The following RAI14 variants were observed in gnomAD, a reference collection of about 807,000 sequenced individuals.
RAI14 encodes the protein retinoic acid induced 14.
A neutral mutation model predicts 115.4 loss-of-function variants in RAI14; 45 were observed. That is an observed-to-expected ratio of 0.39 (90% CI 0.31 to 0.50). The LOEUF (loss-of-function observed/expected upper bound fraction) is 0.50, where lower values mean the gene tolerates loss of function less well. Among genes scored for constraint, RAI14 ranks in the 20% least tolerant of loss-of-function variants. RAI14 has a pLI of 0.85. For missense variants in RAI14, 939 were observed against 1,131.2 expected, an observed-to-expected ratio of 0.83 and a Z score of 2.44; for synonymous variants, 371 against 415.4, an observed-to-expected ratio of 0.89 and a Z score of 1.30.
chr5:34,825,599 G>C (rs954813871), intron 15 of RAI14, among the ~76,000 whole-genome samples: 4 of 152,110 alleles, frequency 2.6e-5, no homozygotes, highest in African/African-American at 9.7e-5. Context: ...GGAGAGGAAG[G>C]GGGAGGAATG....
At position 34,686,963 on chromosome 5, in the gene RAI14, T is replaced by C. The variant is rs755872354; in HGVS notation, c.36+8T>C. 5 of 1,613,528 alleles carry C rather than the reference T, an allele frequency of 3.1e-6. No individual in the cohort carries two copies. In the South Asian group the frequency reaches 5.5e-5, roughly 18 times the overall value. On this transcript the variant is annotated splice_region_variant and intron_variant, in intron 2 of 17. Coordinates refer to ENST00000265109, the MANE Select transcript of RAI14 (RefSeq NM_015577.3). ...AAGTTCAGGAAGAGTGACGTGAGTA[T>C]GCGGTGACTCACAGTCTGGCTGTTC... is the stretch of plus-strand genomic sequence containing the variant.
At chr5:34,696,565 G>A (rs763174287) in intron 2 of RAI14, among the ~76,000 whole-genome samples, 2 of 152,324 alleles carry the variant, frequency 1.3e-5, no homozygotes, top group South Asian at 2.1e-4. Context: ...TGGCAGCCTC[G>A]AAACCAGTTA....
intron 2 of RAI14, among the ~76,000 whole-genome samples, chr5:34,722,673 C>G (rs1219061688): frequency 1.3e-5 from 2 of 151,826 alleles, no homozygotes; most frequent in Non-Finnish European, 1.5e-5. Flanking sequence ...TGGTGAAACC[C>G]CGTCTCTACT....
At chr5:34,698,811 T>A (rs1449573931) in intron 2 of RAI14, among the ~76,000 whole-genome samples, 1 of 152,070 alleles carries the variant, frequency 6.6e-6, no homozygotes, top group East Asian at 1.9e-4. Context: ...GTAGGATGAT[T>A]TGGGGTTTTG....
chr5:34,801,234 A>G (rs1269003328), intron 4 of RAI14, among the ~76,000 whole-genome samples: 1 of 152,130 alleles, frequency 6.6e-6, no homozygotes, highest in Non-Finnish European at 1.5e-5. Flanking sequence ...TCAGTATCCT[A>G]TGCTGATGAA....
chr5:34,800,528 G>C (rs1754131698), intron 4 of RAI14, among the ~76,000 whole-genome samples: 1 of 152,214 alleles, frequency 6.6e-6, no homozygotes, highest in Non-Finnish European at 1.5e-5. Context: ...TTTGGAGAGA[G>C]AATTTGGTGT....
At chr5:34,829,168 CACACACACAT>C (rs766896595) in intron 16 of RAI14, among the ~76,000 whole-genome samples, 1 of 125,410 alleles carries the variant, frequency 8.0e-6, no homozygotes, top group Non-Finnish European at 1.7e-5. Context: ...CACATACACA[CACACACACAT>C]ACACACACAC....
At chr5:34,757,789 T>C (rs1269940434) in intron 3 of RAI14, 191 bp downstream of exon 3, 3 of 564,090 alleles carry the variant, frequency 5.3e-6, no homozygotes, top group Non-Finnish European at 8.0e-6. Flanking sequence ...CTACCTTGAA[T>C]GGGTATACAT....
At chr5:34,807,665 A>G (rs976528648) in intron 5 of RAI14, 135 bp from the exon 6 acceptor site, 12 of 711,328 alleles carry the variant, frequency 1.7e-5, no homozygotes, top group Non-Finnish European at 2.7e-5. Context: ...AGGCCCCTGG[A>G]ACACAGCAGC....
At chr5:34,787,586 G>C (rs1752445020) in intron 3 of RAI14, among the ~76,000 whole-genome samples, 1 of 152,140 alleles carries the variant, frequency 6.6e-6, no homozygotes, top group South Asian at 2.1e-4. Context: ...GGGAGTTGGG[G>C]AAGTAGGGAA....
intron 7 of RAI14, 63 bp from the exon 8 acceptor site, chr5:34,810,949 T>C: frequency 6.2e-7 from 1 of 1,607,752 alleles, no homozygotes; most frequent in Non-Finnish European, 8.5e-7. Context: ...AAACAGGGGC[T>C]GACTTTTGCA....
intron 3 of RAI14, among the ~76,000 whole-genome samples, chr5:34,765,739 A>G (rs1253291239): frequency 1.3e-5 from 2 of 152,232 alleles, no homozygotes; most frequent in African/African-American, 2.4e-5. Context: ...AGAAATTTGT[A>G]TAAGTAGCAA....
intron 2 of RAI14, among the ~76,000 whole-genome samples, chr5:34,748,874 T>C (rs1045647311): frequency 6.6e-6 from 1 of 152,094 alleles, no homozygotes; most frequent in Admixed American, 6.6e-5. Flanking sequence ...ACACACTTAT[T>C]TGTTGAATAA....
At chr5:34,750,848 ATTTTTTTT>A (rs869028180) in intron 2 of RAI14, among the ~76,000 whole-genome samples, 1 of 83,618 alleles carries the variant, frequency 1.2e-5, no homozygotes, top group Admixed American at 1.5e-4. Context: ...TTGCTTTATC[ATTTTTTTT>A]TTTTTTTTTT....
intron 14 of RAI14, 129 bp downstream of exon 14, chr5:34,821,979 T>C (rs1338299350): frequency 2.1e-6 from 1 of 480,738 alleles, no homozygotes; most frequent in Non-Finnish European, 3.7e-6. Flanking sequence ...AAGCATCTTA[T>C]AGTTTCAGAT....
intron 2 of RAI14, among the ~76,000 whole-genome samples, chr5:34,691,764 G>A (rs1031796894): frequency 3.9e-5 from 6 of 152,104 alleles, no homozygotes; most frequent in African/African-American, 1.4e-4. Context: ...CATTGTAATA[G>A]GGAAGTAGCG....
chr5:34,701,402 G>A (rs1740048135), intron 2 of RAI14, among the ~76,000 whole-genome samples: 1 of 152,104 alleles, frequency 6.6e-6, no homozygotes, highest in Non-Finnish European at 1.5e-5. Context: ...AAATTCTAAA[G>A]AGATTAAGAT....
chr5:34,730,711 G>C (rs914868632), intron 2 of RAI14, among the ~76,000 whole-genome samples: 11 of 152,202 alleles, frequency 7.2e-5, no homozygotes, highest in Non-Finnish European at 1.0e-4. Flanking sequence ...GGCCAGGCAT[G>C]GTGGCCCACG....
At chr5:34,785,968 G>A (rs547219802) in intron 3 of RAI14, among the ~76,000 whole-genome samples, 169 of 152,180 alleles carry the variant, frequency 1.1e-3, no homozygotes, top group South Asian at 2.1e-3. Flanking sequence ...TATCATCCCC[G>A]CTGGCAAGGG....
Sources: allele counts gnomAD v4.1 joint callset (sites outside exome capture counted in the v4.1 genomes callset), GRCh38; gene constraint gnomAD v4.1.1; transcripts MANE v1.5; gene names NCBI Gene and HGNC (gene_info 2026-07-23, HGNC 2026-07-21).